Variants in BPIFB2 observed in about 807,000 individuals in gnomAD.
BPIFB2 encodes BPI fold-containing family B member 2.
Under a neutral mutation model 50.1 loss-of-function variants are expected in BPIFB2, and 39 were observed. That is an observed-to-expected ratio of 0.78 (90% CI 0.60 to 1.02). BPIFB2 has a LOEUF of 1.02. BPIFB2 is among the 50% of genes least tolerant of loss of function. The pLI is 0.00. For synonymous variants in BPIFB2, 280 were observed against 256.3 expected (o/e 1.09, Z -0.88); for missense variants, 574 against 585.8 (o/e 0.98, Z 0.21).
At chr20:33,018,850 C>A in intron 9 of BPIFB2, 28 bp downstream of exon 9, 1 of 1,596,954 alleles carries the variant, frequency 6.3e-7, no homozygotes, top group South Asian at 1.1e-5. Context: ...AGCCCAGGGC[C>A]TGTGGGGCAA....
At position 33,021,773 on chromosome 20, in the gene BPIFB2, G is replaced by C. The variant is rs140776401; in HGVS notation, c.1309G>C (p.Val437Leu). 1 of 1,614,090 alleles carries C rather than the reference G, an allele frequency of 6.2e-7. No individual in the cohort carries two copies. The highest frequency in any genetic ancestry group is 1.3e-5 in the African/African-American group (1 of 75,018). ...ALPGVVNLHY[V>L]APEIFVYEGY... ...CCCTGGTGTGGTCAACCTCCACTAT[G>C]TCGCCCCTGAGATCTTTGTCTATGA... is the stretch of plus-strand genomic sequence containing the variant. The change falls in exon 15 of 16, where the codon GTC becomes CTC. Residue 437 changes from valine to leucine, a missense_variant. By Grantham distance (32) the Val-to-Leu change is conservative. Coordinates refer to ENST00000170150, the MANE Select transcript of BPIFB2 (RefSeq NM_025227.3).
Position 33,011,091 on chromosome 20 carries a change from G to T in BPIFB2, c.177G>T (p.Trp59Cys), listed in dbSNP as rs368543110. The T allele has an allele frequency of 1.1e-4, 173 of 1,613,916 alleles. No individual in the cohort carries two copies. The highest frequency in any genetic ancestry group is 1.6e-4 in the Middle Eastern group (1 of 6,062). Residue 59 changes from tryptophan to cysteine, a missense_variant, in exon 3 of 16, where the codon TGG (tryptophan) becomes TGT (cysteine). Physicochemically the swap from Trp to Cys is radical, Grantham distance 215. Coordinates refer to ENST00000170150, the MANE Select transcript of BPIFB2 (RefSeq NM_025227.3). ...TCACTGTCCCTCATTTCCTGGACTG[G>T]AGTGGAGAGGCGCTTCAGCCCACCA... ...LQVTVPHFLD[W>C]SGEALQPTRI...
rs1990258931 is a variant in BPIFB2, at chr20:33,009,557, T to C, written c.109+874T>C. 6.6e-6 allele frequency among the ~76,000 whole-genome samples: 1 copy of C among 152,146 alleles called. No individual in the cohort carries two copies. Among genetic ancestry groups the C allele is most frequent in the African/African-American group, 2.4e-5 (1 of 41,426 alleles). The stretch of plus-strand genomic sequence containing the variant: ...GACATGAAGCAGTGGCTCAGGGAAG[T>C]AGCAGGTTTCCCCCACCCCTGGGTA... On this transcript the variant is annotated intron_variant, in intron 2 of 15. Coordinates refer to ENST00000170150, the MANE Select transcript of BPIFB2 (RefSeq NM_025227.3). This position sits in a 1 kb window ranked among gnomAD's most constrained non-coding sequence, Gnocchi z 4.2.
intron 4 of BPIFB2, 85 bp from the exon 5 acceptor site, chr20:33,013,725 G>A (rs1990319173): frequency 6.6e-7 from 1 of 1,521,348 alleles, no homozygotes; most frequent in Admixed American, 1.9e-5. Context: ...GCAGGCAGGG[G>A]CTGGGGAATT....
intron 10 of BPIFB2, 63 bp from the exon 11 acceptor site, chr20:33,019,517 G>A: frequency 6.7e-7 from 1 of 1,490,554 alleles, no homozygotes; most frequent in South Asian, 1.3e-5. Flanking sequence ...TTTGAGGAGT[G>A]ACTGACCAGA....
At chr20:33,012,587 G>A (rs1279847219) in intron 3 of BPIFB2, among the ~76,000 whole-genome samples, 1 of 152,112 alleles carries the variant, frequency 6.6e-6, no homozygotes, top group Non-Finnish European at 1.5e-5. Flanking sequence ...CGAAGCGGGG[G>A]CCCCTCTGCA....
At chr20:33,021,256 C>T in intron 13 of BPIFB2, 25 bp from the exon 14 acceptor site, 1 of 1,613,490 alleles carries the variant, frequency 6.2e-7, no homozygotes, top group Non-Finnish European at 8.5e-7. Flanking sequence ...GGGACGGGCC[C>T]ATCTCCCTGG....
intron 15 of BPIFB2, among the ~76,000 whole-genome samples, 160 bp downstream of exon 15, chr20:33,021,959 G>T (rs1978689579): frequency 6.6e-6 from 1 of 152,188 alleles, no homozygotes; most frequent in Non-Finnish European, 1.5e-5. Flanking sequence ...GAGATGCTGG[G>T]TCAAAGGTTT....
At chr20:33,019,948 G>T (rs1978598354) in intron 11 of BPIFB2, among the ~76,000 whole-genome samples, 198 bp downstream of exon 11, 2 of 152,328 alleles carry the variant, frequency 1.3e-5, no homozygotes, top group South Asian at 4.1e-4. Flanking sequence ...TCTTGGCATG[G>T]CCAGCTCCCC....
Position 33,012,828 on chromosome 20 carries a change from C to T in BPIFB2, c.229C>T (p.Pro77Ser). Residue 77 changes from proline to serine, a missense_variant, in exon 4 of 16, where the codon CCC (proline) becomes TCC (serine). Physicochemically the swap from Pro to Ser is moderately conservative, Grantham distance 74 (BLOSUM62 -1). Transcript: ENST00000170150. ...TRIRILNVHV[P>S]RLHLKFIAGF... ...GATCCGGATTCTGAATGTCCATGTG[C>T]CCCGCCTCCACCTGAAATTCATTGC... 3.7e-6 allele frequency: 6 copies of T among 1,613,970 alleles called. No individual in the cohort carries two copies. The highest frequency in any genetic ancestry group is 4.2e-6 in the Non-Finnish European group (5 of 1,179,854).
chr20:33,014,771 G>T (rs59114677), intron 5 of BPIFB2, among the ~76,000 whole-genome samples: 25 of 152,324 alleles, frequency 1.6e-4, no homozygotes, highest in Middle Eastern at 3.4e-3. Context: ...CACTTGTGTC[G>T]CATGATCACC....
chr20:33,021,482 T>G, intron 14 of BPIFB2, 138 bp downstream of exon 14: 1 of 1,014,762 alleles, frequency 9.9e-7, no homozygotes, highest in Non-Finnish European at 1.5e-6. Flanking sequence ...TAGCAGCCCA[T>G]GTGTGCATGC....
intron 3 of BPIFB2, among the ~76,000 whole-genome samples, chr20:33,012,198 G>A (rs778147990): frequency 5.3e-5 from 8 of 152,110 alleles, no homozygotes; most frequent in Non-Finnish European, 1.0e-4. Flanking sequence ...AATCACTTGT[G>A]GTCTGGCCAC....
intron 9 of BPIFB2, 105 bp downstream of exon 9, chr20:33,018,927 A>G (rs1978544811): frequency 2.6e-6 from 4 of 1,565,838 alleles, no homozygotes; most frequent in Non-Finnish European, 3.5e-6. Context: ...GGGGCCGCTG[A>G]AGCTGGCGCC....
chr20:33,013,939 G>C lies in BPIFB2; in HGVS notation c.438G>C (p.Glu146Asp), dbSNP rs774340337. Residue 146 changes from glutamate (E) to aspartate (D), a missense_variant, in exon 5 of 16, where the codon GAG becomes GAC. Coordinates refer to ENST00000170150, the MANE Select transcript of BPIFB2 (RefSeq NM_025227.3). ...ACSLFSGHAN[E>D]FDGSNSTSHA... is the part of the protein sequence containing the mutation. ...CTTTATTCTCGGGCCACGCCAACGA[G>C]TTTGATGGCAGTAACAGGTGGGTGC... is the stretch of plus-strand genomic sequence containing the variant. The C allele has an allele frequency of 6.2e-7, 1 of 1,613,676 alleles. No individual in the cohort carries two copies. Among genetic ancestry groups the C allele is most frequent in the Non-Finnish European group, 8.5e-7 (1 of 1,179,646 alleles).
chr20:33,009,438 C>G lies in BPIFB2; in HGVS notation c.109+755C>G, dbSNP rs1282760206. Among the ~76,000 whole-genome samples, 1 of 152,182 alleles carries G rather than the reference C, an allele frequency of 6.6e-6. No individual in the cohort carries two copies. Among genetic ancestry groups the G allele is most frequent in the Non-Finnish European group, 1.5e-5 (1 of 68,022 alleles). Reference sequence around the variant, plus strand: ...GTGAGAATTTGGTTTCCCACCAAAGCCAGGAGATCAGAAGCGGTTTCCCCC... The same window carrying G: ...GTGAGAATTTGGTTTCCCACCAAAGGCAGGAGATCAGAAGCGGTTTCCCCC... On this transcript the variant is annotated intron_variant, in intron 2 of 15. Coordinates refer to ENST00000170150, the MANE Select transcript of BPIFB2 (RefSeq NM_025227.3). The surrounding 1 kb of genome is among the most constrained non-coding windows in gnomAD (Gnocchi z 4.2).
At position 33,018,667 on chromosome 20, in the gene BPIFB2, A is replaced by G. The variant is rs746193081; in HGVS notation, c.700A>G (p.Ile234Val). The G allele has an allele frequency of 1.2e-5, 19 of 1,613,872 alleles. No homozygotes were observed. The highest frequency in any genetic ancestry group is 1.4e-5 in the Non-Finnish European group (17 of 1,179,902). The change falls in exon 9 of 16, where the codon ATC (isoleucine) becomes GTC (valine). Residue 234 changes from isoleucine (I) to valine (V), a missense_variant. Ile to Val is a conservative substitution (Grantham distance 29, BLOSUM62 3). Transcript: ENST00000170150. The stretch of plus-strand genomic sequence containing the variant: ...TCTCTTCCTGCTGGGCAAGCCCATC[A>G]TCCTGCCCACGGATGCCACCCCTTT... ...AVLFLLGKPI[I>V]LPTDATPFVL... is the part of the protein sequence containing the mutation.
chr20:33,023,075 A>G (rs931757077), intron 15 of BPIFB2, among the ~76,000 whole-genome samples: 1 of 152,200 alleles, frequency 6.6e-6, no homozygotes, highest in African/African-American at 2.4e-5. Flanking sequence ...GCTCCCATTC[A>G]TAAAGCATCA....
intron 8 of BPIFB2, 32 bp downstream of exon 8, chr20:33,018,382 G>A: frequency 1.3e-6 from 2 of 1,564,344 alleles, no homozygotes; most frequent in East Asian, 2.2e-5. Flanking sequence ...CAGAGCTGGG[G>A]GCTTGCTGCC....
Sources: allele counts gnomAD v4.1 joint callset (sites outside exome capture counted in the v4.1 genomes callset), GRCh38; gene constraint gnomAD v4.1.1; non-coding constraint Gnocchi (gnomAD v3.1); transcripts MANE v1.5; gene names NCBI Gene and HGNC (gene_info 2026-07-23, HGNC 2026-07-21).